Variants in C6orf163 observed in about 807,000 individuals in gnomAD.
The protein encoded by C6orf163 is uncharacterized protein C6orf163.
Under a neutral mutation model 28.4 loss-of-function variants are expected in C6orf163, and 22 were observed. That is an observed-to-expected ratio of 0.78 (90% CI 0.55 to 1.11). The LOEUF is 1.11. Ranked by LOEUF, C6orf163 falls within the 50% of genes least tolerant of loss-of-function variation. The pLI is 0.00. For synonymous variants in C6orf163, 110 were observed against 123.6 expected, an observed-to-expected ratio of 0.89 and a Z score of 0.73; for missense variants, 342 against 389.1, an observed-to-expected ratio of 0.88 and a Z score of 1.02.
intron 3 of C6orf163, among the ~76,000 whole-genome samples, chr6:87,354,944 C>T (rs1157812472): frequency 6.6e-6 from 1 of 152,216 alleles, no homozygotes; most frequent in Non-Finnish European, 1.5e-5. Flanking sequence ...CAGGGGCTCC[C>T]ATAGAAATGG....
intron 4 of C6orf163, among the ~76,000 whole-genome samples, chr6:87,361,652 A>G (rs1777582242): frequency 6.6e-6 from 1 of 152,156 alleles, no homozygotes; most frequent in South Asian, 2.1e-4. Flanking sequence ...CATCAGACTA[A>G]ATCCTTAGAA....
intron 1 of C6orf163, among the ~76,000 whole-genome samples, chr6:87,346,446 A>G (rs146772542): frequency 2.1e-4 from 32 of 152,360 alleles, no homozygotes; most frequent in African/African-American, 7.7e-4. Flanking sequence ...ATATACCTTA[A>G]TGATTGATTC....
In C6orf163 at chr6:87,365,248, A is replaced by C; in HGVS notation, c.842A>C (p.Glu281Ala). Residue 281 changes from glutamate (E) to alanine (A), a missense_variant, in exon 5 of 5, where the codon GAA becomes GCA. Physicochemically the swap from Glu to Ala is moderately radical, Grantham distance 107. Coordinates refer to ENST00000388923, the MANE Select transcript of C6orf163 (RefSeq NM_001010868.3). ...AATTGGAAAGATTTCCTAGAGGAGG[A>C]ATTACAGGAAACCAGGATGGCATTT... ...MTNWKDFLEE[E>A]LQETRMAFQK... is the part of the protein sequence containing the mutation. 1 of 1,551,740 alleles carries C rather than the reference A, an allele frequency of 6.4e-7. No homozygotes were observed. The highest frequency in any genetic ancestry group is 8.7e-7 in the Non-Finnish European group (1 of 1,146,992).
At chr6:87,351,945 A>G (rs1387443282) in intron 3 of C6orf163, among the ~76,000 whole-genome samples, 2 of 152,238 alleles carry the variant, frequency 1.3e-5, no homozygotes, top group South Asian at 2.1e-4. Context: ...TTGTAAAGAC[A>G]TAAGGAAGAT....
At chr6:87,346,975 G>A (rs1777334367) in intron 1 of C6orf163, among the ~76,000 whole-genome samples, 1 of 152,074 alleles carries the variant, frequency 6.6e-6, no homozygotes, top group South Asian at 2.1e-4. Flanking sequence ...ATTAACTCAG[G>A]TACAGACCTT....
intron 4 of C6orf163, among the ~76,000 whole-genome samples, chr6:87,360,398 A>ATTTT (rs10625675): frequency 1.7e-4 from 24 of 138,120 alleles, no homozygotes; most frequent in East Asian, 2.1e-4. Context: ...TTAAGCATGA[A>ATTTT]TTTTTTTTTT....
intron 1 of C6orf163, 69 bp downstream of exon 1, chr6:87,345,316 T>C (rs552583766): frequency 8.6e-6 from 12 of 1,388,756 alleles, no homozygotes; most frequent in Middle Eastern, 1.8e-4. Flanking sequence ...TTCTGTTACA[T>C]AGACTTTTAT....
chr6:87,348,560 C>T, intron 1 of C6orf163: 2 of 1,221,220 alleles, frequency 1.6e-6, no homozygotes, highest in Non-Finnish European at 2.0e-6. Context: ...TTCACCTCCC[C>T]AGTTGTCTGC....
At chr6:87,357,378 A>G (rs959792196) in intron 4 of C6orf163, 3 of 152,094 alleles carry the variant, frequency 2.0e-5, no homozygotes, top group African/African-American at 7.2e-5. Context: ...AGACCTCCCT[A>G]TTTGGCCTCC....
chr6:87,349,999 C>T (rs943823638), intron 2 of C6orf163, among the ~76,000 whole-genome samples: 28 of 152,210 alleles, frequency 1.8e-4, no homozygotes, highest in African/African-American at 6.8e-4. Context: ...CTTTACTCAG[C>T]TCCTTCTAGC....
At chr6:87,362,535 G>A (rs560218150) in intron 4 of C6orf163, among the ~76,000 whole-genome samples, 94 of 152,180 alleles carry the variant, frequency 6.2e-4, no homozygotes, top group African/African-American at 2.3e-3. Flanking sequence ...ATGAGATATC[G>A]TGCATGTAAA....
chr6:87,358,027 C>G (rs1777531535), intron 4 of C6orf163: 4 of 152,104 alleles, frequency 2.6e-5, no homozygotes, highest in Admixed American at 1.3e-4. Flanking sequence ...AAATTTCTTC[C>G]AATTAGTCGA....
chr6:87,353,395 A>C (rs1002904827), intron 3 of C6orf163, among the ~76,000 whole-genome samples: 1 of 152,060 alleles, frequency 6.6e-6, no homozygotes, highest in Admixed American at 6.5e-5. Flanking sequence ...ATTATTACAC[A>C]TTGTATGCCT....
At chr6:87,352,137 ATTTATACCACCAT>A (rs1388446927) in intron 3 of C6orf163, among the ~76,000 whole-genome samples, 2 of 152,188 alleles carry the variant, frequency 1.3e-5, no homozygotes, top group African/African-American at 4.8e-5. Context: ...GAGAATTTAC[ATTTATACCACCAT>A]TTCAGATATT....
chr6:87,355,172 A>G (rs1216122320), intron 3 of C6orf163, among the ~76,000 whole-genome samples: 1 of 152,262 alleles, frequency 6.6e-6, no homozygotes, highest in Admixed American at 6.5e-5. Flanking sequence ...GCAGTCAGCA[A>G]TCCTGGCTTC....
Position 87,348,391 on chromosome 6 carries a change from A to C in C6orf163, c.149-421A>C, listed in dbSNP as rs957293836. The C allele has an allele frequency of 6.1e-6, 6 of 988,796 alleles. No individual in the cohort carries two copies. In the African/African-American group the frequency reaches 1.0e-4, roughly 17 times the overall value. The allele number at this position is 988,796 out of a possible 1,614,324, so 61.3% of individuals were successfully genotyped here. On this transcript the variant is annotated intron_variant, in intron 1 of 4. Transcript: ENST00000388923. ...AACCACATGCTAAAGAAAGGCATGTAATGTGAAGGCATTCCACTTCCCTTC... is the reference window on the plus strand; with the variant it reads ...AACCACATGCTAAAGAAAGGCATGTCATGTGAAGGCATTCCACTTCCCTTC...
chr6:87,353,287 T>C (rs1777445548), intron 3 of C6orf163, among the ~76,000 whole-genome samples: 1 of 152,170 alleles, frequency 6.6e-6, no homozygotes, highest in South Asian at 2.1e-4. Context: ...TAATTTATTG[T>C]ACATTTAAAA....
intron 4 of C6orf163, among the ~76,000 whole-genome samples, chr6:87,363,003 T>C (rs1194143150): frequency 6.6e-6 from 1 of 152,246 alleles, no homozygotes; most frequent in Non-Finnish European, 1.5e-5. Context: ...TTTGCCTCTT[T>C]AACTTATTAA....
At chr6:87,354,798 A>G (rs1282887300) in intron 3 of C6orf163, among the ~76,000 whole-genome samples, 1 of 152,242 alleles carries the variant, frequency 6.6e-6, no homozygotes, top group Non-Finnish European at 1.5e-5. Flanking sequence ...TGTCTTAACA[A>G]ATATTTTAAT....
Sources: allele counts gnomAD v4.1 joint callset (sites outside exome capture counted in the v4.1 genomes callset), GRCh38; gene constraint gnomAD v4.1.1; transcripts MANE v1.5; gene names NCBI Gene and HGNC (gene_info 2026-07-23, HGNC 2026-07-21).